The following CACNA2D1 variants were observed in gnomAD, a reference collection of about 807,000 sequenced individuals.
The protein encoded by CACNA2D1 is calcium voltage-gated channel auxiliary subunit alpha2delta 1.
A neutral mutation model predicts 171.5 loss-of-function variants in CACNA2D1; 53 were observed. The observed-to-expected ratio is 0.31, with a 90% CI of 0.25 to 0.39. The LOEUF is 0.39. Among genes scored for constraint, CACNA2D1 ranks in the 10% least tolerant of loss-of-function variants. The pLI is 1.00. For synonymous variants in CACNA2D1, 442 were observed against 443.1 expected (o/e 1.00, Z 0.03); for missense variants, 903 against 1,299.8 (o/e 0.69, Z 4.69).
chr7:81,989,564 C>G (rs1263334730), intron 21 of CACNA2D1, among the ~76,000 whole-genome samples: 1 of 151,664 alleles, frequency 6.6e-6, no homozygotes, highest in Non-Finnish European at 1.5e-5. Context: ...CAAGAGTCAT[C>G]TACGAGAGTC....
At chr7:81,974,367 T>C in intron 25 of CACNA2D1, 88 bp downstream of exon 25, 1 of 697,946 alleles carries the variant, frequency 1.4e-6, no homozygotes, top group Non-Finnish European at 2.6e-6. Flanking sequence ...CAGCACAATA[T>C]AAAGTAATAT....
intron 7 of CACNA2D1, among the ~76,000 whole-genome samples, chr7:82,083,302 A>G (rs1050052255): frequency 6.6e-6 from 1 of 152,018 alleles, no homozygotes; most frequent in African/African-American, 2.4e-5. Context: ...TCTATTTCCT[A>G]TATTTTAAAT....
At chr7:81,992,825 AG>A (rs1434698867) in intron 20 of CACNA2D1, among the ~76,000 whole-genome samples, 2 of 152,192 alleles carry the variant, frequency 1.3e-5, no homozygotes, top group African/African-American at 2.4e-5. Flanking sequence ...TTATTCAGTA[AG>A]TTTATCCTTA....
chr7:81,962,182 C>T (rs1247846472), intron 35 of CACNA2D1, among the ~76,000 whole-genome samples, 159 bp from the exon 36 acceptor site: 2 of 151,606 alleles, frequency 1.3e-5, no homozygotes, highest in Non-Finnish European at 2.9e-5. Context: ...CGTGGCAGCC[C>T]GTAATAGATG....
intron 3 of CACNA2D1, among the ~76,000 whole-genome samples, chr7:82,252,083 C>T (rs537885506): frequency 5.9e-5 from 9 of 152,054 alleles, no homozygotes; most frequent in Non-Finnish European, 1.2e-4. Flanking sequence ...TGATTGTTTT[C>T]CAAAAACATC....
At chr7:82,231,348 A>G (rs1802910029) in intron 3 of CACNA2D1, among the ~76,000 whole-genome samples, 2 of 152,218 alleles carry the variant, frequency 1.3e-5, no homozygotes, top group Non-Finnish European at 2.9e-5. Flanking sequence ...ATAAGGCATA[A>G]GAAGAAGCAA....
intron 5 of CACNA2D1, among the ~76,000 whole-genome samples, chr7:82,130,882 C>T (rs1303446322): frequency 6.0e-5 from 9 of 150,064 alleles, no homozygotes; most frequent in African/African-American, 2.2e-4. Context: ...CTGCAAGCTC[C>T]ACCTCCCGGG....
rs1236880658 is a variant in CACNA2D1, at chr7:82,278,523, A to C, written c.294+56612T>G. ...CAGTCAGCCAAGATCATACCACTGC[A>C]CTCCAGCCTGAGAGACAGAGTGAGA... On this transcript the variant is annotated intron_variant, in intron 3 of 38. Transcript: ENST00000356860. 2.1e-5 allele frequency among the ~76,000 whole-genome samples: 3 copies of C among 143,940 alleles called. No individual in the cohort carries two copies. In the South Asian group the frequency reaches 6.6e-4, roughly 32 times the overall value. 94.4% of individuals were successfully genotyped at this position (143,940 alleles called of 152,430 possible). A position where few individuals can be genotyped will look rare whatever the true frequency, so the allele number is the denominator to read the frequency against.
At chr7:82,139,207 A>G (rs1393952244) in intron 4 of CACNA2D1, among the ~76,000 whole-genome samples, 2 of 152,206 alleles carry the variant, frequency 1.3e-5, no homozygotes, top group Non-Finnish European at 2.9e-5. Context: ...CACTTGGTCC[A>G]TGGTACTAGA....
chr7:82,227,144 G>A (rs1802449045), intron 3 of CACNA2D1, among the ~76,000 whole-genome samples: 1 of 152,014 alleles, frequency 6.6e-6, no homozygotes. Context: ...ACAATAAAAT[G>A]GTATCCATTC....
rs555880738 is a variant in CACNA2D1, at chr7:82,316,877, G to GC, written c.294+18257dup. Among the ~76,000 whole-genome samples the GC allele has an allele frequency of 3.7e-4, 57 of 152,158 alleles. 1 individual carries two copies. In the East Asian group the frequency reaches 7.0e-3, roughly 19 times the overall value. On this transcript the variant is annotated intron_variant, in intron 3 of 38. Coordinates refer to ENST00000356860, the MANE Select transcript of CACNA2D1 (RefSeq NM_000722.4). ...CCACAAGAACAGTTTTGGGGAAACT[G>GC]CCCCCATGATTCAATTATTTCCACC...
chr7:82,051,726 A>G (rs1207765278), intron 10 of CACNA2D1, among the ~76,000 whole-genome samples: 1 of 152,186 alleles, frequency 6.6e-6, no homozygotes, highest in African/African-American at 2.4e-5. Flanking sequence ...CTAAAATGTC[A>G]AACTCCCTCA....
chr7:82,248,238 T>G (rs191805851), intron 3 of CACNA2D1, among the ~76,000 whole-genome samples: 1 of 152,298 alleles, frequency 6.6e-6, no homozygotes, highest in African/African-American at 2.4e-5. Flanking sequence ...TCACTTTGAC[T>G]GTTTTTTCTA....
At chr7:82,017,688 T>G (rs919477032) in intron 12 of CACNA2D1, among the ~76,000 whole-genome samples, 1 of 152,110 alleles carries the variant, frequency 6.6e-6, no homozygotes, top group Admixed American at 6.6e-5. Context: ...AGTGATTCCT[T>G]GAAATATGTA....
rs1319966627 is a variant in CACNA2D1 at position 82,194,610 on chromosome 7, C to CG, written c.295-24002_295-24001insC. Among the ~76,000 whole-genome samples the CG allele has an allele frequency of 2.6e-5, 4 of 151,770 alleles. No individual in the cohort carries two copies. The East Asian group carries it at 7.7e-4, about 29-fold the overall frequency. ...ATGAGAAGAGAGGGCAAACAATACTCTATCATGTTTTCATTTGACATTTAT... is the reference window on the plus strand; with the variant it reads ...ATGAGAAGAGAGGGCAAACAATACTCGTATCATGTTTTCATTTGACATTTAT... On this transcript the variant is annotated intron_variant, in intron 3 of 38. Transcript: ENST00000356860.
intron 1 of CACNA2D1, among the ~76,000 whole-genome samples, chr7:82,395,595 A>G (rs1453809584): frequency 6.6e-6 from 1 of 152,182 alleles, no homozygotes. Context: ...AAAGTGACTG[A>G]GGAACTGAAT....
chr7:82,145,973 C>A (rs1792989368), intron 4 of CACNA2D1, among the ~76,000 whole-genome samples: 1 of 151,964 alleles, frequency 6.6e-6, no homozygotes, highest in Admixed American at 6.6e-5. Context: ...TACATTTCTT[C>A]ATCCGGTATT....
At chr7:82,190,859 C>G (rs536924762) in intron 3 of CACNA2D1, among the ~76,000 whole-genome samples, 1 of 151,592 alleles carries the variant, frequency 6.6e-6, no homozygotes, top group East Asian at 1.9e-4. Context: ...CTCTTTGAGC[C>G]TTGAAAAGTC....
chr7:81,968,787 C>A, intron 29 of CACNA2D1, 100 bp downstream of exon 29: 1 of 746,932 alleles, frequency 1.3e-6, no homozygotes, highest in South Asian at 1.5e-5. Context: ...TTGTTTGACA[C>A]CTTTTGATGA....
Sources: allele counts gnomAD v4.1 joint callset (sites outside exome capture counted in the v4.1 genomes callset), GRCh38; gene constraint gnomAD v4.1.1; transcripts MANE v1.5; gene names NCBI Gene and HGNC (gene_info 2026-07-23, HGNC 2026-07-21).